SECISBP2L: variants seen among roughly 807,000 people sequenced by gnomAD.
SECISBP2L encodes the protein SECIS binding protein 2 like, also known as selenocysteine insertion sequence-binding protein 2-like.
In SECISBP2L, 43 loss-of-function variants were observed where a neutral mutation model predicts 114.7. The ratio of observed to expected loss-of-function variants is 0.38; its 90% confidence interval spans 0.29 to 0.48. The LOEUF (loss-of-function observed/expected upper bound fraction) is 0.48, where lower values mean the gene tolerates loss of function less well. Ranked by LOEUF, SECISBP2L falls within the 20% of genes least tolerant of loss-of-function variation. The pLI, the probability that SECISBP2L is intolerant of heterozygous loss-of-function variation, is 0.98. For synonymous variants in SECISBP2L, 451 were observed against 439.7 expected (o/e 1.03, Z -0.32); for missense variants, 1,136 against 1,301.1 (o/e 0.87, Z 1.95).
At chr15:49,020,959 C>T (rs1175687832) in intron 7 of SECISBP2L, among the ~76,000 whole-genome samples, 1 of 152,106 alleles carries the variant, frequency 6.6e-6, no homozygotes, top group Non-Finnish European at 1.5e-5. Context: ...TTAGTATTAT[C>T]ATTGTATGTT....
intron 17 of SECISBP2L, among the ~76,000 whole-genome samples, chr15:48,993,810 G>C (rs1405642591): frequency 6.6e-6 from 1 of 151,796 alleles, no homozygotes; most frequent in African/African-American, 2.4e-5. Context: ...GGCAAAAAAA[G>C]TACCAAGAAT....
chr15:49,030,613 T>C (rs1240481722), intron 4 of SECISBP2L, among the ~76,000 whole-genome samples: 3 of 152,234 alleles, frequency 2.0e-5, no homozygotes, highest in Non-Finnish European at 4.4e-5. Flanking sequence ...TTTTAATAAA[T>C]AGAAATTCTT....
At position 49,028,651 on chromosome 15, in the gene SECISBP2L, G is replaced by A; in HGVS notation, c.696C>T (p.Leu232=). The part of the protein sequence containing the change: ...DFPSDIANKS[L]SETTATMLWK... ...AGAGCATTGTTGCAGTGGTCTCTGA[G>A]AGAGACTTGTTAGCGATATCTGATG... The change falls in exon 5 of 18, where the codon CTC becomes CTT. Residue 232 remains leucine (L), a synonymous_variant. Transcript: ENST00000559471. 6.2e-7 allele frequency: 1 copy of A among 1,614,132 alleles called. No homozygotes were observed. Among genetic ancestry groups the A allele is most frequent in the South Asian group, 1.1e-5 (1 of 91,084 alleles).
At chr15:49,012,960 G>A (rs1046454156) in intron 11 of SECISBP2L, 143 bp from the exon 12 acceptor site, 24 of 737,750 alleles carry the variant, frequency 3.3e-5, no homozygotes, top group Non-Finnish European at 5.0e-5. Context: ...ACATGGCTAG[G>A]CAGTGTCCCT....
In SECISBP2L at chr15:48,996,363, T is replaced by C; in HGVS notation, c.2623+4A>G. On this transcript the variant is annotated splice_donor_region_variant and intron_variant, in intron 17 of 17. Coordinates refer to ENST00000559471, the MANE Select transcript of SECISBP2L (RefSeq NM_001193489.2). ...GTCATTTAAAATAGTATTCAACAAC[T>C]TACCATATTCCTTTTCATTTACTTC... 6.2e-7 allele frequency: 1 copy of C among 1,612,496 alleles called. No individual in the cohort carries two copies. Among genetic ancestry groups the C allele is most frequent in the Non-Finnish European group, 8.5e-7 (1 of 1,178,790 alleles).
In SECISBP2L at chr15:49,011,588, GA is replaced by G. The variant is rs945343366; in HGVS notation, c.1864+142del. 137 of 979,470 alleles carry G rather than the reference GA, an allele frequency of 1.4e-4. No homozygotes were observed. In the African/African-American group the frequency reaches 2.1e-3, roughly 15 times the overall value. The allele number at this position is 979,470 out of a possible 1,614,324, so 60.7% of individuals were successfully genotyped here. A position where few individuals can be genotyped will look rare whatever the true frequency, so the allele number is the denominator to read the frequency against. ...TCTCCCTACAAAAGCATCTTTAAAA[GA>G]AACCACTCTGAAGAATAAAGAGATT... On this transcript the variant is annotated intron_variant, in intron 13 of 17. Coordinates refer to ENST00000559471, the MANE Select transcript of SECISBP2L (RefSeq NM_001193489.2).
intron 11 of SECISBP2L, among the ~76,000 whole-genome samples, chr15:49,016,205 T>C (rs1320984009): frequency 6.6e-6 from 1 of 152,106 alleles, no homozygotes. Flanking sequence ...GACAAGGGGT[T>C]GTGGGGAGGG....
chr15:48,995,510 T>C (rs1455615768), intron 17 of SECISBP2L, among the ~76,000 whole-genome samples: 1 of 151,964 alleles, frequency 6.6e-6, no homozygotes, highest in East Asian at 1.9e-4. Flanking sequence ...ACACGTTAAA[T>C]TTTAGGTGGC....
At chr15:48,999,342 A>G (rs1902157509) in intron 16 of SECISBP2L, among the ~76,000 whole-genome samples, 1 of 152,102 alleles carries the variant, frequency 6.6e-6, no homozygotes, top group African/African-American at 2.4e-5. Flanking sequence ...ATAAAGATCT[A>G]TATTAGCAGA....
At position 48,992,353 on chromosome 15, in the gene SECISBP2L, TCA is replaced by T. The variant is rs1181715841; in HGVS notation, c.3195_3196del (p.Ser1065ArgfsTer6). The T allele has an allele frequency of 6.2e-7, 1 of 1,614,182 alleles. No individual in the cohort carries two copies. Among genetic ancestry groups the T allele is most frequent in the African/African-American group, 1.3e-5 (1 of 75,038 alleles). On this transcript the variant is annotated frameshift_variant, in exon 18 of 18. Coordinates refer to ENST00000559471, the MANE Select transcript of SECISBP2L (RefSeq NM_001193489.2). LOFTEE classifies it low-confidence loss of function (END_TRUNC). ...GGCCTGCTGGTCAGCAGTCCATGCCTCACTGTCCATCCCTGGCTCCAGCACCT... is the reference window on the plus strand; with the variant it reads ...GGCCTGCTGGTCAGCAGTCCATGCCTCTGTCCATCCCTGGCTCCAGCACCT...
intron 11 of SECISBP2L, chr15:49,016,346 T>G: frequency 2.4e-6 from 1 of 419,186 alleles, no homozygotes; most frequent in Non-Finnish European, 4.2e-6. Context: ...TAGGATGTGT[T>G]AAAGGACTAG....
In SECISBP2L at chr15:49,035,498, A is replaced by T; in HGVS notation, c.364T>A (p.Phe122Ile). 6.2e-7 allele frequency: 1 copy of T among 1,614,150 alleles called. No homozygotes were observed. The highest frequency in any genetic ancestry group is 8.5e-7 in the Non-Finnish European group (1 of 1,180,004). ...TAAGGTGTAGGAAAAGGATGATAGA[A>T]ACCCATAACCTGGGCACATGGTGCT... ...MPAPCAQVMG[F>I]YHPFPTPYSN... is the part of the protein sequence containing the mutation. Residue 122 changes from phenylalanine to isoleucine, a missense_variant, in exon 3 of 18, where the codon TTC becomes ATC. By Grantham distance (21) the Phe-to-Ile change is conservative (BLOSUM62 0). This residue lies in a region of SECISBP2L where 452 missense variants were observed against 452.3 expected (regional missense o/e 1.00). Coordinates refer to ENST00000559471, the MANE Select transcript of SECISBP2L (RefSeq NM_001193489.2).
At chr15:49,030,602 CT>C (rs1369107266) in intron 4 of SECISBP2L, among the ~76,000 whole-genome samples, 4 of 152,152 alleles carry the variant, frequency 2.6e-5, no homozygotes, top group Admixed American at 2.6e-4. Context: ...CTTTCACTAA[CT>C]TTTAATAAAT....
At chr15:49,041,093 G>A (rs904757998) in intron 1 of SECISBP2L, among the ~76,000 whole-genome samples, 6 of 152,106 alleles carry the variant, frequency 3.9e-5, no homozygotes, top group African/African-American at 1.4e-4. Flanking sequence ...TTTCATAGCA[G>A]AGAGTTGTCT....
chr15:48,993,009 GAAC>G (rs1902016932), intron 17 of SECISBP2L, 83 bp from the exon 18 acceptor site: 8 of 1,190,006 alleles, frequency 6.7e-6, no homozygotes, highest in South Asian at 4.4e-5. Flanking sequence ...AAAAAAGAAA[GAAC>G]AACAAAATAT....
rs760030502 is a variant in SECISBP2L at position 48,996,554 on chromosome 15, C to T, written c.2436G>A (p.Glu812=). ...SLFNKLVELT[E]EARKAYKDMV... ...TATCTTTATATGCTTTCCTGGCCTC[C>T]TCAGTGAGTTCTACTAATTTATTAA... is the stretch of plus-strand genomic sequence containing the variant. The change falls in exon 17 of 18, where the codon GAG becomes GAA. Residue 812 remains glutamate (E), a synonymous_variant. Coordinates refer to ENST00000559471, the MANE Select transcript of SECISBP2L (RefSeq NM_001193489.2). 8.7e-6 allele frequency: 14 copies of T among 1,613,878 alleles called. No individual in the cohort carries two copies. Among genetic ancestry groups the T allele is most frequent in the Admixed American group, 1.7e-5 (1 of 59,978 alleles).
Position 49,040,100 on chromosome 15 carries a change from C to T in SECISBP2L, c.25-2331G>A, listed in dbSNP as rs1042983163. ...TCAAAAGCTGCAAAAAATTTTTACA[C>T]CCCACTTCATTTGTACTTCATAGAA... On this transcript the variant is annotated intron_variant, in intron 1 of 17. Transcript: ENST00000559471. Among the ~76,000 whole-genome samples the T allele has an allele frequency of 2.6e-5, 4 of 152,140 alleles. No individual in the cohort carries two copies. In the East Asian group the frequency reaches 5.8e-4, roughly 22 times the overall value.
chr15:49,041,075 A>G (rs1350105314), intron 1 of SECISBP2L, among the ~76,000 whole-genome samples: 3 of 152,294 alleles, frequency 2.0e-5, no homozygotes, highest in African/African-American at 7.2e-5. Context: ...TTTTTTAGGA[A>G]TAAGAACTTT....
At chr15:49,012,519 T>C in intron 12 of SECISBP2L, 129 bp downstream of exon 12, 1 of 919,476 alleles carries the variant, frequency 1.1e-6, no homozygotes, top group Non-Finnish European at 1.7e-6. Flanking sequence ...CACATTATCG[T>C]CAAGATTCAT....
Sources: allele counts gnomAD v4.1 joint callset (sites outside exome capture counted in the v4.1 genomes callset), GRCh38; gene constraint gnomAD v4.1.1; regional missense constraint gnomAD v4.1.1; transcripts MANE v1.5; gene names NCBI Gene and HGNC (gene_info 2026-07-23, HGNC 2026-07-21).